The following ZNF28 variants were observed in gnomAD, a reference collection of about 807,000 sequenced individuals.
ZNF28 encodes the protein zinc finger protein 28, also known as zinc finger protein KOX24.
Under a neutral mutation model 7.2 loss-of-function variants are expected in ZNF28, and 5 were observed. The observed-to-expected ratio is 0.70, with a 90% confidence interval of 0.36 to 1.46. ZNF28 has a LOEUF of 1.46. Ranked by LOEUF, ZNF28 falls within the 40% of genes most tolerant of loss-of-function variation. The pLI is 0.03. For synonymous variants in ZNF28, 288 were observed against 292.4 expected (o/e 0.99, Z 0.15); for missense variants, 879 against 866.6 (o/e 1.01, Z -0.18).
At chr19:52,810,445 T>C (rs540940121) in intron 2 of ZNF28, 14 of 1,598,456 alleles carry the variant, frequency 8.8e-6, no homozygotes, top group South Asian at 3.3e-5. Context: ...TTTGCATATA[T>C]AGAGTTCTCA....
In ZNF28 at chr19:52,820,767, TCTC is replaced by T. The variant is rs1366155790; in HGVS notation, c.-74+816_-74+818del. ...TTCTCTACATTTCTCCAGTTGCTTT[TCTC>T]CTCCTGCTTTCTTATCTTTTATCAC... On this transcript the variant is annotated intron_variant, in intron 1 of 3. Coordinates refer to ENST00000457749, the MANE Select transcript of ZNF28 (RefSeq NM_006969.5). Among the ~76,000 whole-genome samples, 14 of 152,302 alleles carry T rather than the reference TCTC, an allele frequency of 9.2e-5. No homozygotes were observed. In the East Asian group the frequency reaches 2.5e-3, roughly 27 times the overall value.
chr19:52,810,567 G>T lies in ZNF28; in HGVS notation c.16-2434C>A, dbSNP rs2063006943. On this transcript the variant is annotated intron_variant, in intron 2 of 3. Coordinates refer to ENST00000457749, the MANE Select transcript of ZNF28 (RefSeq NM_006969.5). ...CCAGGCATCAGCACAACAGACCGGG[G>T]TCTTCCACGAGCCCGCTACCGCGCC... 4 of 1,593,594 alleles carry T rather than the reference G, an allele frequency of 2.5e-6. No homozygotes were observed. In the Admixed American group the frequency reaches 6.7e-5, roughly 27 times the overall value.
chr19:52,808,829 C>T (rs4801936), intron 2 of ZNF28, among the ~76,000 whole-genome samples: 12,286 of 151,640 alleles, frequency 0.081, 909 homozygotes, highest in South Asian at 0.2. Flanking sequence ...AAATAAAATA[C>T]GTGAAAACAA....
At chr19:52,810,095 C>A (rs541239203) in intron 2 of ZNF28, 3 of 784,044 alleles carry the variant, frequency 3.8e-6, no homozygotes, top group South Asian at 2.8e-5. Flanking sequence ...CAGGAGCCAC[C>A]GGCAGCCAAG....
rs2063097591 is a variant in ZNF28, at chr19:52,814,506, A to T, written c.15+3438T>A. The T allele has an allele frequency of 2.7e-5, 4 of 146,226 alleles. 1 individual carries two copies. The highest frequency in any genetic ancestry group is 1.4e-4 in the Admixed American group (2 of 14,528). The allele number at this position is 146,226 out of a possible 1,614,324, so 9.1% of individuals were successfully genotyped here. On this transcript the variant is annotated intron_variant, in intron 2 of 3. Transcript: ENST00000457749. ...CTACTTAGGAGGCTAAAACAGGAGAATCACTTGAACCTGGGAGGCAGAGGC... is the reference window on the plus strand; with the variant it reads ...CTACTTAGGAGGCTAAAACAGGAGATTCACTTGAACCTGGGAGGCAGAGGC...
chr19:52,821,214 T>C (rs1480811653), intron 1 of ZNF28, among the ~76,000 whole-genome samples: 8 of 151,774 alleles, frequency 5.3e-5, no homozygotes, highest in Non-Finnish European at 1.0e-4. Flanking sequence ...GGGACTGGGG[T>C]CGCCGCGCTG....
rs1326121113 is a variant in ZNF28, at chr19:52,821,595, C to G, written c.-83G>C. ...ACAGAGCAAAACTCACCGCCCGCCG[C>G]GGCGTCACCGTCATTCCACGGGATC... On this transcript the variant is annotated 5_prime_UTR_variant, in exon 1 of 4. Transcript: ENST00000457749. 1 of 152,170 alleles carries G rather than the reference C, an allele frequency of 6.6e-6. No homozygotes were observed. The highest frequency in any genetic ancestry group is 1.5e-5 in the Non-Finnish European group (1 of 68,040). 9.4% of individuals were successfully genotyped at this position (152,170 alleles called of 1,614,324 possible).
At position 52,798,479 on chromosome 19, in the gene ZNF28, T is replaced by C. The variant is rs1472805563; in HGVS notation, c.*1209A>G. 6.2e-6 allele frequency: 3 copies of C among 482,164 alleles called. No individual in the cohort carries two copies. Among genetic ancestry groups the C allele is most frequent in the Admixed American group, 2.4e-5 (1 of 41,712 alleles). The allele number at this position is 482,164 out of a possible 1,614,324, so 29.9% of individuals were successfully genotyped here. On this transcript the variant is annotated 3_prime_UTR_variant, in exon 4 of 4. Coordinates refer to ENST00000457749, the MANE Select transcript of ZNF28 (RefSeq NM_006969.5). ...GAATTGTCTGATGGTCTGCAAGGAG[T>C]GATCTCGGACTGAAGACCTTACCAC...
In ZNF28 at chr19:52,800,113, G is replaced by A; in HGVS notation, c.1732C>T (p.Pro578Ser). ...RHRRIHTGEKPYKCKVCDKAF... is the reference protein window; with the variant it reads ...RHRRIHTGEKSYKCKVCDKAF... ...TTGTCACAAACCTTACATTTGTACG[G>A]TTTCTCTCCAGTATGAATCCTCCTA... Residue 578 changes from proline (P) to serine (S), a missense_variant, in exon 4 of 4, where the codon CCG becomes TCG. This residue lies in a region of ZNF28 where 864 missense variants were observed against 830.2 expected (regional missense o/e 1.04). Transcript: ENST00000457749. The A allele has an allele frequency of 1.2e-6, 2 of 1,614,050 alleles. No individual in the cohort carries two copies. Among genetic ancestry groups the A allele is most frequent in the South Asian group, 2.2e-5 (2 of 91,070 alleles).
intron 2 of ZNF28, chr19:52,810,525 C>G: frequency 6.3e-7 from 1 of 1,596,122 alleles, no homozygotes; most frequent in South Asian, 1.1e-5. Flanking sequence ...AAGGTGATCC[C>G]AAAGCGAACC....
At chr19:52,811,741 G>A (rs1289406461) in intron 2 of ZNF28, among the ~76,000 whole-genome samples, 14 of 147,472 alleles carry the variant, frequency 9.5e-5, no homozygotes, top group African/African-American at 1.8e-4. Context: ...CCCGGCAGCC[G>A]CCCCGTCCGG....
intron 2 of ZNF28, among the ~76,000 whole-genome samples, chr19:52,811,364 T>A (rs899606269): frequency 7.5e-5 from 11 of 146,240 alleles, no homozygotes; most frequent in Non-Finnish European, 4.5e-5. Flanking sequence ...TTGTCTGGGA[T>A]GTGAGGAGCC....
intron 3 of ZNF28, among the ~76,000 whole-genome samples, chr19:52,802,991 G>C (rs372072027): frequency 4.0e-5 from 6 of 148,564 alleles, no homozygotes; most frequent in South Asian, 2.1e-4. Context: ...TCGATCTCCT[G>C]ACCTTGTGAT....
rs199663327 is a variant in ZNF28 at position 52,800,722 on chromosome 19, T to C, written c.1123A>G (p.Arg375Gly). 7.9e-5 allele frequency: 127 copies of C among 1,613,696 alleles called. No homozygotes were observed. Among genetic ancestry groups the C allele is most frequent in the Middle Eastern group, 1.6e-4 (1 of 6,084 alleles). The change falls in exon 4 of 4, where the codon AGG becomes GGG. Residue 375 changes from arginine to glycine, a missense_variant. Arg to Gly is a moderately radical substitution (Grantham distance 125). Transcript: ENST00000457749. ...TAAGGTTTCTCTCCAGTATGAAGCC[T>C]ACGATGGCGTGCAAGGGTTGACAGT... Reference protein sequence around the residue: ...NRLSTLARHRRLHTGEKPYEC... With the variant: ...NRLSTLARHRGLHTGEKPYEC...
chr19:52,814,453 G>A (rs1362936775), intron 2 of ZNF28: 3 of 145,686 alleles, frequency 2.1e-5, no homozygotes, highest in Non-Finnish European at 4.4e-5. Flanking sequence ...AATTAGCCAC[G>A]GGTGATGGCA....
Position 52,801,319 on chromosome 19 carries a change from T to A in ZNF28, c.526A>T (p.Thr176Ser), listed in dbSNP as rs781711135. Residue 176 changes from threonine to serine, a missense_variant, in exon 4 of 4, where the codon ACA (threonine) becomes TCA (serine). Coordinates refer to ENST00000457749, the MANE Select transcript of ZNF28 (RefSeq NM_006969.5). ...KSINNASSVSTSQRICCRPKT... is the reference protein window; with the variant it reads ...KSINNASSVSSSQRICCRPKT... The stretch of plus-strand genomic sequence containing the variant: ...GGCCTACAACAAATTCTTTGGGATG[T>A]TGAAACTGAGGAAGCATTGTTGATA... 44 of 1,614,066 alleles carry A rather than the reference T, an allele frequency of 2.7e-5. No homozygotes were observed. The Admixed American group carries it at 7.0e-4, about 26-fold the overall frequency.
chr19:52,812,737 G>A (rs1468027338), intron 2 of ZNF28, among the ~76,000 whole-genome samples: 1 of 109,116 alleles, frequency 9.2e-6, no homozygotes, highest in African/African-American at 3.9e-5. Flanking sequence ...ATCCCCCTCT[G>A]CGAGAAACAC....
chr19:52,803,604 A>C (rs1354885239), intron 3 of ZNF28, among the ~76,000 whole-genome samples: 2 of 152,190 alleles, frequency 1.3e-5, no homozygotes, highest in Non-Finnish European at 2.9e-5. Context: ...ATAAGAACTG[A>C]AATAGATGTT....
intron 2 of ZNF28, among the ~76,000 whole-genome samples, chr19:52,817,655 C>T (rs1031813612): frequency 6.6e-6 from 1 of 152,116 alleles, no homozygotes; most frequent in African/African-American, 2.4e-5. Flanking sequence ...CCTGAACAAA[C>T]CCTGCTGCCC....
Sources: gnomAD v4.1 joint callset for allele counts (sites outside exome capture counted in the v4.1 genomes callset) on GRCh38, gnomAD v4.1.1 for gene constraint, gnomAD v4.1.1 regional missense constraint, MANE v1.5 for transcripts, NCBI Gene and HGNC (gene_info 2026-07-23, HGNC 2026-07-21) for gene names.